DOP1B: variants seen among roughly 807,000 people sequenced by gnomAD.
DOP1B encodes protein DOP1B.
In DOP1B, 174 loss-of-function variants were observed where a neutral mutation model predicts 233.5. That is an observed-to-expected ratio of 0.75 (90% CI 0.66 to 0.85). The LOEUF (loss-of-function observed/expected upper bound fraction) is 0.85. Among genes scored for constraint, DOP1B ranks in the 40% least tolerant of loss-of-function variants. DOP1B has a pLI of 0.00. For synonymous variants in DOP1B, 1,190 were observed against 1,185.6 expected (o/e 1.00, Z -0.08); for missense variants, 2,652 against 2,846.6 (o/e 0.93, Z 1.56).
intron 24 of DOP1B, chr21:36,261,177 C>T (rs1176590579): frequency 1.2e-4 from 103 of 882,504 alleles, no homozygotes; most frequent in Non-Finnish European, 1.3e-4. Flanking sequence ...CCAGCCTAGT[C>T]AACATGGTGA....
intron 1 of DOP1B, among the ~76,000 whole-genome samples, chr21:36,160,481 T>TC (rs1031387228): frequency 6.8e-6 from 1 of 147,638 alleles, no homozygotes; most frequent in African/African-American, 2.5e-5. Context: ...AGTTTTCTTT[T>TC]TTTTTTTTTT....
intron 2 of DOP1B, among the ~76,000 whole-genome samples, chr21:36,177,570 G>A (rs2066045956): frequency 1.3e-5 from 2 of 152,136 alleles, no homozygotes; most frequent in Non-Finnish European, 2.9e-5. Context: ...TGGGGTTGGG[G>A]GGGCCTTTAA....
At chr21:36,185,820 G>A (rs1463095713) in intron 2 of DOP1B, among the ~76,000 whole-genome samples, 1 of 152,214 alleles carries the variant, frequency 6.6e-6, no homozygotes, top group Non-Finnish European at 1.5e-5. Flanking sequence ...AAACTCTGAC[G>A]GGGAAAAATA....
rs1484887007 is a variant in DOP1B at position 36,200,359 on chromosome 21, G to A, written c.349G>A (p.Ala117Thr). Reference protein sequence around the residue: ...SCGLFPLLAHAAVSVRPVLLT... With the variant: ...SCGLFPLLAHTAVSVRPVLLT... ...CGGGTTATTTCCTCTCCTGGCACACGCGGCGGTGTCGGTGAGGCCGGTGCT... is the reference window on the plus strand; with the variant it reads ...CGGGTTATTTCCTCTCCTGGCACACACGGCGGTGTCGGTGAGGCCGGTGCT... The change falls in exon 4 of 37, where the codon GCG becomes ACG. Residue 117 changes from alanine (A) to threonine (T), a missense_variant. Around this residue, in one of 3 missense-constraint regions of DOP1B, gnomAD observed 2,617 missense variants for 2,794.3 expected, o/e 0.94. Coordinates refer to ENST00000691173, the MANE Select transcript of DOP1B (RefSeq NM_001320714.2). The A allele has an allele frequency of 5.0e-6, 8 of 1,605,624 alleles. No homozygotes were observed. The highest frequency in any genetic ancestry group is 1.3e-5 in the African/African-American group (1 of 74,478).
In DOP1B at chr21:36,224,525, G is replaced by A. The variant is rs140352654; in HGVS notation, c.1371-1040G>A. ...AAAAAGAATAAAATGTTTCTACCCA[G>A]ATAGAGCTGACTCTCCATCTTTGCA... On this transcript the variant is annotated intron_variant, in intron 11 of 36. Transcript: ENST00000691173. Among the ~76,000 whole-genome samples, 911 of 145,256 alleles carry A rather than the reference G, an allele frequency of 6.3e-3. 5 individuals carry two copies. Among genetic ancestry groups the A allele is most frequent in the Non-Finnish European group, 8.0e-3 (518 of 65,062 alleles).
At chr21:36,262,117 T>C (rs2067178284) in intron 24 of DOP1B, among the ~76,000 whole-genome samples, 1 of 152,194 alleles carries the variant, frequency 6.6e-6, no homozygotes, top group African/African-American at 2.4e-5. Context: ...TCCTGGTAGA[T>C]GACCAGGGTG....
intron 27 of DOP1B, among the ~76,000 whole-genome samples, chr21:36,272,371 CG>C (rs1041475013): frequency 6.6e-6 from 1 of 151,596 alleles, no homozygotes; most frequent in African/African-American, 2.4e-5. Context: ...TAAATCAGGC[CG>C]GGCACAGTGG....
Position 36,245,125 on chromosome 21 carries a change from G to C in DOP1B, c.3145G>C (p.Gly1049Arg). The stretch of plus-strand genomic sequence containing the variant: ...CGCAGTGCCCGAGCCTCAGGAGAGC[G>C]GCTCTGAAGAGCACCTGCCTCTGAG... The part of the protein sequence containing the change: ...ACAVPEPQES[G>R]SEEHLPLSQF... The change falls in exon 19 of 37, where the codon GGC becomes CGC. Residue 1049 changes from glycine to arginine, a missense_variant. Gly to Arg is a moderately radical substitution (Grantham distance 125). Around this residue, in one of 3 missense-constraint regions of DOP1B, gnomAD observed 2,617 missense variants for 2,794.3 expected, o/e 0.94. Transcript: ENST00000691173. The surrounding 1 kb of genome is among the most constrained non-coding windows in gnomAD (Gnocchi z 5.5). 3.1e-6 allele frequency: 5 copies of C among 1,613,700 alleles called. No homozygotes were observed. The highest frequency in any genetic ancestry group is 3.4e-6 in the Non-Finnish European group (4 of 1,179,874).
At chr21:36,205,356 T>G (rs977354300) in intron 4 of DOP1B, among the ~76,000 whole-genome samples, 13 of 145,412 alleles carry the variant, frequency 8.9e-5, no homozygotes, top group South Asian at 8.6e-4. Context: ...GGAAGTTGGG[T>G]TTTTTTTTTT....
At chr21:36,255,372 T>C (rs1753223564) in intron 23 of DOP1B, among the ~76,000 whole-genome samples, 1 of 151,946 alleles carries the variant, frequency 6.6e-6, no homozygotes, top group South Asian at 2.1e-4. Context: ...TGAACTCCAC[T>C]TGCCTTGGCC....
chr21:36,227,565 A>C lies in DOP1B; in HGVS notation c.1474-121A>C, dbSNP rs564769433. 21 of 915,310 alleles carry C rather than the reference A, an allele frequency of 2.3e-5. No homozygotes were observed. The African/African-American group carries it at 3.0e-4, about 13-fold the overall frequency. 56.7% of individuals were successfully genotyped at this position (915,310 alleles called of 1,614,324 possible). A position where few individuals can be genotyped will look rare whatever the true frequency, so the allele number is the denominator to read the frequency against. ...CTGTCAAAAAAAAAGAAAGAAAGAA[A>C]GAAAGAAAATTAGTGTGAAATTTAT... On this transcript the variant is annotated intron_variant, in intron 12 of 36. Transcript: ENST00000691173.
Position 36,293,511 on chromosome 21 carries a change from G to T in DOP1B, c.6837G>T (p.Arg2279Ser), listed in dbSNP as rs778789793. 2.5e-6 allele frequency: 4 copies of T among 1,614,074 alleles called. No homozygotes were observed. Among genetic ancestry groups the T allele is most frequent in the Non-Finnish European group, 3.4e-6 (4 of 1,179,972 alleles). ...ACTTTCCTGTCACAGATAGCCCAAGGATCTTAAAACAACTGGAAGAATGCA... is the reference window on the plus strand; with the variant it reads ...ACTTTCCTGTCACAGATAGCCCAAGTATCTTAAAACAACTGGAAGAATGCA... Reference protein sequence around the residue: ...FLDFPVTDSPRILKQLEECIE... With the variant: ...FLDFPVTDSPSILKQLEECIE... Residue 2279 changes from arginine (R) to serine (S), a missense_variant, in exon 37 of 37, where the codon AGG becomes AGT. Transcript: ENST00000691173.
At position 36,281,725 on chromosome 21, in the gene DOP1B, T is replaced by C. The variant is rs528096852; in HGVS notation, c.6160+114T>C. Reference sequence around the variant, plus strand: ...CAGTTCTGGAGGCTGAGAAGTCCTATATCCAGGGCTGGCGTCTGGCAAGGG... The same window carrying C: ...CAGTTCTGGAGGCTGAGAAGTCCTACATCCAGGGCTGGCGTCTGGCAAGGG... On this transcript the variant is annotated intron_variant, in intron 32 of 36. Coordinates refer to ENST00000691173, the MANE Select transcript of DOP1B (RefSeq NM_001320714.2). The C allele has an allele frequency of 6.9e-5, 69 of 1,004,246 alleles. No homozygotes were observed. The Admixed American group carries it at 1.7e-3, about 25-fold the overall frequency. 62.2% of individuals were successfully genotyped at this position (1,004,246 alleles called of 1,614,324 possible). A position where few individuals can be genotyped will look rare whatever the true frequency, so the allele number is the denominator to read the frequency against.
chr21:36,287,841 T>C (rs1054827262), intron 32 of DOP1B, among the ~76,000 whole-genome samples, 173 bp from the exon 33 acceptor site: 4 of 152,032 alleles, frequency 2.6e-5, no homozygotes, highest in Non-Finnish European at 2.9e-5. Flanking sequence ...CGCCTCGGCC[T>C]CCCAAAGTGC....
Position 36,260,695 on chromosome 21 carries a change from A to C in DOP1B, c.5278A>C (p.Ile1760Leu). The change falls in exon 24 of 37, where the codon ATT (isoleucine) becomes CTT (leucine). Residue 1760 changes from isoleucine (I) to leucine (L), a missense_variant. This residue lies in a region of DOP1B where 2,617 missense variants were observed against 2,794.3 expected (regional missense o/e 0.94). Transcript: ENST00000691173. ...GGDEKSPLVD[I>L]PVLQFCYAFL... ...TTTTCAGAAATCGCCCCTAGTGGACATTCCTGTGTTGCAGTTTTGCTATGC... is the reference window on the plus strand; with the variant it reads ...TTTTCAGAAATCGCCCCTAGTGGACCTTCCTGTGTTGCAGTTTTGCTATGC... The C allele has an allele frequency of 6.2e-7, 1 of 1,614,120 alleles. No individual in the cohort carries two copies.
intron 13 of DOP1B, among the ~76,000 whole-genome samples, chr21:36,228,332 A>T (rs1423584038): frequency 6.6e-6 from 1 of 152,038 alleles, no homozygotes; most frequent in East Asian, 1.9e-4. Flanking sequence ...GCATGGTGGC[A>T]CATGCCTGTA....
At chr21:36,215,260 G>A (rs2066545731) in intron 9 of DOP1B, among the ~76,000 whole-genome samples, 1 of 152,122 alleles carries the variant, frequency 6.6e-6, no homozygotes, top group South Asian at 2.1e-4. Context: ...ACTGTGGAGA[G>A]TAAAAACATT....
intron 26 of DOP1B, among the ~76,000 whole-genome samples, chr21:36,268,585 A>G (rs2067254486): frequency 6.6e-6 from 1 of 152,246 alleles, no homozygotes; most frequent in African/African-American, 2.4e-5. Context: ...AAGAAATTAC[A>G]AAAGTATTAT....
chr21:36,200,692 AT>A (rs1405984984), intron 4 of DOP1B, among the ~76,000 whole-genome samples, 191 bp downstream of exon 4: 1 of 152,166 alleles, frequency 6.6e-6, no homozygotes, highest in Non-Finnish European at 1.5e-5. Context: ...AAATAAAAAA[AT>A]TTAGCCGGGC....
Sources: allele counts gnomAD v4.1 joint callset (sites outside exome capture counted in the v4.1 genomes callset), GRCh38; gene constraint gnomAD v4.1.1; regional missense constraint gnomAD v4.1.1; non-coding constraint Gnocchi (gnomAD v3.1); transcripts MANE v1.5; gene names NCBI Gene and HGNC (gene_info 2026-07-23, HGNC 2026-07-21).